PRKDC: variants seen among roughly 807,000 people sequenced by gnomAD.
PRKDC encodes the protein DNA-dependent protein kinase catalytic subunit.
A neutral mutation model predicts 486.9 loss-of-function variants in PRKDC; 82 were observed. That is an observed-to-expected ratio of 0.17 (90% confidence interval 0.14 to 0.20). The LOEUF is 0.20. Ranked by LOEUF, PRKDC falls within the 10% of genes least tolerant of loss-of-function variation. PRKDC has a pLI of 1.00. For missense variants in PRKDC, 4,504 were observed against 5,038.2 expected (o/e 0.89, Z 3.21); for synonymous variants, 1,895 against 1,837.0 (o/e 1.03, Z -0.81).
chr8:47,797,359 G>T (rs573721653), intron 73 of PRKDC, among the ~76,000 whole-genome samples: 2 of 152,262 alleles, frequency 1.3e-5, no homozygotes, highest in South Asian at 4.2e-4. Flanking sequence ...CATACATGTT[G>T]CACTTCTGAA....
intron 81 of PRKDC, 54 bp downstream of exon 81, chr8:47,778,950 A>G: frequency 2.7e-6 from 4 of 1,468,588 alleles, no homozygotes; most frequent in Non-Finnish European, 3.7e-6. Context: ...GAAAACATGC[A>G]ATTTGCAGAA....
At position 47,813,653 on chromosome 8, in the gene PRKDC, G is replaced by A. The variant is rs549365844; in HGVS notation, c.9557+3797C>T. On this transcript the variant is annotated intron_variant, in intron 68 of 85. Coordinates refer to ENST00000314191, the MANE Select transcript of PRKDC (RefSeq NM_006904.7). ...TGCAATGGTACGATCTTGCCTCACC[G>A]CAACCTCTGCCTCCCGGGTTCAAGC... Among the ~76,000 whole-genome samples the A allele has an allele frequency of 5.3e-5, 8 of 151,754 alleles. 1 individual carries two copies. The highest frequency in any genetic ancestry group is 3.9e-4 in the East Asian group (2 of 5,148).
In PRKDC at chr8:47,826,524, T is replaced by C. The variant is rs1451506371; in HGVS notation, c.8783+132A>G. 3 of 946,596 alleles carry C rather than the reference T, an allele frequency of 3.2e-6. No individual in the cohort carries two copies. In the East Asian group the frequency reaches 8.1e-5, roughly 26 times the overall value. 58.6% of individuals were successfully genotyped at this position (946,596 alleles called of 1,614,324 possible). On this transcript the variant is annotated intron_variant, in intron 63 of 85. Transcript: ENST00000314191. ...AGAATGGTACTCAGCCTGAAAGACT[T>C]TTCTTTTAAATTTCACATTAGTGTT...
chr8:47,872,414 G>GATAAGTTGAT (rs2088974806), intron 40 of PRKDC, among the ~76,000 whole-genome samples: 1 of 148,456 alleles, frequency 6.7e-6, no homozygotes, highest in African/African-American at 2.5e-5. Flanking sequence ...ACAAATGGTA[G>GATAAGTTGAT]AAGTCCACAC....
chr8:47,774,579 T>C (rs1179814099), intron 85 of PRKDC, among the ~76,000 whole-genome samples: 1 of 152,178 alleles, frequency 6.6e-6, no homozygotes, highest in Non-Finnish European at 1.5e-5. Context: ...TGTGAATGTA[T>C]GCCTTCACTT....
At chr8:47,832,565 C>T (rs1247947953) in intron 59 of PRKDC, among the ~76,000 whole-genome samples, 1 of 152,076 alleles carries the variant, frequency 6.6e-6, no homozygotes, top group Non-Finnish European at 1.5e-5. Flanking sequence ...CTCATGGAAA[C>T]TGAAACGTGT....
intron 25 of PRKDC, among the ~76,000 whole-genome samples, chr8:47,908,152 C>A (rs777653107): frequency 6.6e-6 from 1 of 152,222 alleles, no homozygotes; most frequent in African/African-American, 2.4e-5. Flanking sequence ...AACCATGACA[C>A]GCAGGGTCCT....
At chr8:47,936,904 C>T (rs900981756) in intron 11 of PRKDC, among the ~76,000 whole-genome samples, 1 of 148,862 alleles carries the variant, frequency 6.7e-6, no homozygotes, top group Non-Finnish European at 1.5e-5. Flanking sequence ...GGATTACAGG[C>T]GGGAGCCACT....
Position 47,817,477 on chromosome 8 carries a change from T to A in PRKDC, c.9530A>T (p.Asn3177Ile). 6.2e-7 allele frequency: 1 copy of A among 1,605,606 alleles called. No homozygotes were observed. Among genetic ancestry groups the A allele is most frequent in the Non-Finnish European group, 8.5e-7 (1 of 1,175,086 alleles). ...RYPDAKMDPM[N>I]IWDDIITNRC... ...ATTTGTGATGATGTCATCCCAGATG[T>A]TCATTGGGTCCATTTTAGCATCTGG... is the stretch of plus-strand genomic sequence containing the variant. The change falls in exon 68 of 86, where the codon AAC (asparagine) becomes ATC (isoleucine). Residue 3177 changes from asparagine (N) to isoleucine (I), a missense_variant. This residue lies in a region of PRKDC where 1,592 missense variants were observed against 1,724.6 expected (regional missense o/e 0.92). Coordinates refer to ENST00000314191, the MANE Select transcript of PRKDC (RefSeq NM_006904.7).
intron 15 of PRKDC, among the ~76,000 whole-genome samples, chr8:47,933,421 C>A (rs973099388): frequency 1.8e-4 from 28 of 152,136 alleles, no homozygotes; most frequent in African/African-American, 6.8e-4. Context: ...CTGTATACAG[C>A]AGTAAGTGAG....
chr8:47,861,424 A>G (rs1263355867), intron 44 of PRKDC, among the ~76,000 whole-genome samples: 2 of 152,230 alleles, frequency 1.3e-5, no homozygotes, highest in East Asian at 3.8e-4. Context: ...ATATGCCTAG[A>G]AAACAATCCT....
intron 85 of PRKDC, 70 bp downstream of exon 85, chr8:47,776,774 T>C: frequency 1.9e-6 from 3 of 1,556,724 alleles, no homozygotes. Context: ...ACTTTGTATA[T>C]ATGTTGGCTC....
At chr8:47,801,115 A>G in intron 70 of PRKDC, 129 bp from the exon 71 acceptor site, 1 of 896,116 alleles carries the variant, frequency 1.1e-6, no homozygotes. Flanking sequence ...TCTGTTACCC[A>G]GGCTGGAGTG....
At chr8:47,807,352 T>C in intron 68 of PRKDC, 26 bp from the exon 69 acceptor site, 1 of 1,501,738 alleles carries the variant, frequency 6.7e-7, no homozygotes, top group South Asian at 1.4e-5. Context: ...TGAGACAATG[T>C]CACAGACTCA....
In PRKDC at chr8:47,782,013, C is replaced by T; in HGVS notation, c.11489+149G>A. 3 of 620,132 alleles carry T rather than the reference C, an allele frequency of 4.8e-6. No individual in the cohort carries two copies. Among genetic ancestry groups the T allele is most frequent in the Non-Finnish European group, 5.7e-6 (2 of 350,330 alleles). The allele number at this position is 620,132 out of a possible 1,614,324, so 38.4% of individuals were successfully genotyped here. On this transcript the variant is annotated intron_variant, in intron 80 of 85. Coordinates refer to ENST00000314191, the MANE Select transcript of PRKDC (RefSeq NM_006904.7). This position sits in a 1 kb window ranked among gnomAD's most constrained non-coding sequence, Gnocchi z 4.9. ...AATATCTGCAACTACTGGTTAGCAG[C>T]CAGCACTCCATTTGGTTTATTGACC...
rs774799463 is a variant in PRKDC at position 47,905,009 on chromosome 8, TTCATGTTAAAG to T, written c.2935-44_2935-34del. On this transcript the variant is annotated intron_variant, in intron 25 of 85. Transcript: ENST00000314191. ...AACAATACCATTAAAGTTAATTCCC[TTCATGTTAAAG>T]AAATGTTACGCTGTAAAGGGTTCCA... The T allele has an allele frequency of 7.5e-6, 11 of 1,471,944 alleles. No individual in the cohort carries two copies. In the African/African-American group the frequency reaches 1.5e-4, roughly 21 times the overall value. The allele number at this position is 1,471,944 out of a possible 1,614,324, so 91.2% of individuals were successfully genotyped here.
intron 54 of PRKDC, among the ~76,000 whole-genome samples, chr8:47,843,951 A>T (rs774158684): frequency 6.6e-6 from 1 of 152,254 alleles, no homozygotes; most frequent in Non-Finnish European, 1.5e-5. Context: ...ATACTTAAGT[A>T]CATAGCCCAC....
At position 47,826,807 on chromosome 8, in the gene PRKDC, C is replaced by T. The variant is rs752644132; in HGVS notation, c.8632G>A (p.Ala2878Thr). 8.1e-6 allele frequency: 13 copies of T among 1,605,636 alleles called. No homozygotes were observed. The highest frequency in any genetic ancestry group is 9.4e-6 in the Non-Finnish European group (11 of 1,176,208). ...TGCTGTAGGCTGGCCAGGCAACCAG[C>T]GCTAACAGCCGCTGGGTCGAGGCTC... ...LLSLDPAAVS[A>T]GCLASLQQPV... The change falls in exon 63 of 86, where the codon GCT (alanine) becomes ACT (threonine). Residue 2878 changes from alanine to threonine, a missense_variant. Coordinates refer to ENST00000314191, the MANE Select transcript of PRKDC (RefSeq NM_006904.7).
At chr8:47,883,031 G>A (rs140742802) in intron 36 of PRKDC, among the ~76,000 whole-genome samples, 25 of 152,320 alleles carry the variant, frequency 1.6e-4, no homozygotes, top group Non-Finnish European at 3.2e-4. Flanking sequence ...GTGCGGGGCC[G>A]ACATACTGTA....
Sources: allele counts gnomAD v4.1 joint callset (sites outside exome capture counted in the v4.1 genomes callset), GRCh38; gene constraint gnomAD v4.1.1; regional missense constraint gnomAD v4.1.1; non-coding constraint Gnocchi (gnomAD v3.1); transcripts MANE v1.5; gene names NCBI Gene and HGNC (gene_info 2026-07-23, HGNC 2026-07-21).